Variants in BDKRB2 observed in about 807,000 individuals in gnomAD.
BDKRB2 encodes B2 bradykinin receptor.
BDKRB2 carries 6 observed loss-of-function variants against 4.0 expected under a neutral mutation model. The ratio of observed to expected loss-of-function variants is 1.49; its 90% CI spans 0.81 to 2.93. BDKRB2 has a LOEUF of 2.93. Among genes scored for constraint, BDKRB2 ranks in the 30% most tolerant of loss-of-function variants. BDKRB2 has a pLI of 0.00. For synonymous variants in BDKRB2, 225 were observed against 215.3 expected (o/e 1.05, Z -0.40); for missense variants, 478 against 520.1 (o/e 0.92, Z 0.79).
intron 2 of BDKRB2, chr14:96,239,060 G>C (rs181912112): frequency 1.0e-6 from 1 of 985,486 alleles, no homozygotes; most frequent in East Asian, 1.1e-4. Context: ...TCCCAGAGGT[G>C]ATGATCAGTA....
At position 96,241,450 on chromosome 14, in the gene BDKRB2, C is replaced by A; in HGVS notation, c.1122C>A (p.Ile374=). The A allele has an allele frequency of 6.3e-7, 1 of 1,583,388 alleles. No homozygotes were observed. The highest frequency in any genetic ancestry group is 1.1e-5 in the South Asian group (1 of 87,040). ...ENSMGTLRTS[I]SVERQIHKLQ... is the part of the protein sequence containing the mutation. ...CCATGGGCACACTGCGGACCTCCAT[C>A]TCCGTGGAACGCCAGATTCACAAAC... The change falls in exon 3 of 3, where the codon ATC becomes ATA. Residue 374 remains isoleucine (I), a synonymous_variant. Coordinates refer to ENST00000554311, the MANE Select transcript of BDKRB2 (RefSeq NM_001379692.1).
chr14:96,210,407 G>A (rs1351990095), intron 1 of BDKRB2, among the ~76,000 whole-genome samples: 1 of 152,174 alleles, frequency 6.6e-6, no homozygotes, highest in African/African-American at 2.4e-5. Flanking sequence ...AGGAGGTTAG[G>A]CAGAAGGAGG....
intron 1 of BDKRB2, among the ~76,000 whole-genome samples, chr14:96,208,804 G>A (rs772182379): frequency 1.4e-4 from 21 of 152,208 alleles, no homozygotes; most frequent in Admixed American, 3.3e-4. Context: ...GATTTACTCC[G>A]GCCTGTCCCA....
intron 1 of BDKRB2, among the ~76,000 whole-genome samples, chr14:96,206,782 A>G (rs1326803960): frequency 6.6e-6 from 1 of 151,974 alleles, no homozygotes; most frequent in East Asian, 1.9e-4. Context: ...AGATTTGCCC[A>G]GTGTCATAGC....
intron 1 of BDKRB2, among the ~76,000 whole-genome samples, chr14:96,213,002 T>C (rs1233160439): frequency 6.6e-6 from 1 of 152,202 alleles, no homozygotes; most frequent in Non-Finnish European, 1.5e-5. Flanking sequence ...AGTATTTTTT[T>C]AATAGTCAAT....
At chr14:96,207,011 C>A (rs1056463197) in intron 1 of BDKRB2, among the ~76,000 whole-genome samples, 5 of 152,082 alleles carry the variant, frequency 3.3e-5, no homozygotes, top group Admixed American at 6.5e-5. Flanking sequence ...GACCACCAAT[C>A]CCATTCACAA....
At chr14:96,218,329 G>C (rs185692455) in intron 1 of BDKRB2, among the ~76,000 whole-genome samples, 19 of 152,222 alleles carry the variant, frequency 1.2e-4, no homozygotes, top group Non-Finnish European at 1.5e-5. Context: ...GGTCCTTGAT[G>C]GTTTACAAAG....
chr14:96,236,787 T>A (rs1239722055), intron 1 of BDKRB2, among the ~76,000 whole-genome samples: 1 of 152,212 alleles, frequency 6.6e-6, no homozygotes, highest in African/African-American at 2.4e-5. Context: ...CACAGGCGCG[T>A]TTGGGACCCC....
chr14:96,241,710 C>A lies in BDKRB2; in HGVS notation c.*206C>A. Reference sequence around the variant, plus strand: ...GAGGATGGGGTGAACTCACGCACAGCCAAGGACTCCAAAATCACAACAGCA... The same window carrying A: ...GAGGATGGGGTGAACTCACGCACAGACAAGGACTCCAAAATCACAACAGCA... On this transcript the variant is annotated 3_prime_UTR_variant, in exon 3 of 3. Transcript: ENST00000554311. The A allele has an allele frequency of 1.4e-6, 1 of 720,038 alleles. No individual in the cohort carries two copies. The highest frequency in any genetic ancestry group is 2.0e-6 in the Non-Finnish European group (1 of 492,118). 44.6% of individuals were successfully genotyped at this position (720,038 alleles called of 1,614,324 possible). A position where few individuals can be genotyped will look rare whatever the true frequency, so the allele number is the denominator to read the frequency against.
At chr14:96,205,980 G>A (rs1272647337) in intron 1 of BDKRB2, among the ~76,000 whole-genome samples, 6 of 152,180 alleles carry the variant, frequency 3.9e-5, no homozygotes, top group Admixed American at 3.3e-4. Flanking sequence ...CTGGGTGTGG[G>A]GTGATGGGGG....
rs534953265 is a variant in BDKRB2, at chr14:96,218,082, G to A, written c.-40+13123G>A. ...GGACAATCGTGAGGCTCAGGGAAAG[G>A]ACTGTCGTGCAAACCCACCATGGCA... is the stretch of plus-strand genomic sequence containing the variant. On this transcript the variant is annotated intron_variant, in intron 1 of 2. Coordinates refer to ENST00000554311, the MANE Select transcript of BDKRB2 (RefSeq NM_001379692.1). 3.9e-5 allele frequency among the ~76,000 whole-genome samples: 6 copies of A among 152,180 alleles called. No homozygotes were observed. The East Asian group carries it at 7.7e-4, about 20-fold the overall frequency.
chr14:96,239,698 G>A (rs1044347649), intron 2 of BDKRB2: 4 of 931,910 alleles, frequency 4.3e-6, no homozygotes, highest in Admixed American at 1.2e-4. Context: ...TTTTACAGGT[G>A]AGGTCATTGT....
chr14:96,219,925 G>A (rs1017039479), intron 1 of BDKRB2, among the ~76,000 whole-genome samples: 4 of 152,004 alleles, frequency 2.6e-5, no homozygotes, highest in Non-Finnish European at 5.9e-5. Context: ...GAGCAGGAGA[G>A]GGAGGTGGTC....
In BDKRB2 at chr14:96,241,323, A is replaced by G. The variant is rs1425275963; in HGVS notation, c.995A>G (p.Tyr332Cys). ...AACAGCTGCCTCAACCCACTGGTGTACGTGATCGTGGGCAAGCGCTTCCGA... is the reference window on the plus strand; with the variant it reads ...AACAGCTGCCTCAACCCACTGGTGTGCGTGATCGTGGGCAAGCGCTTCCGA... ...YSNSCLNPLV[Y>C]VIVGKRFRKK... Residue 332 changes from tyrosine (Y) to cysteine (C), a missense_variant, in exon 3 of 3, where the codon TAC becomes TGC. Coordinates refer to ENST00000554311, the MANE Select transcript of BDKRB2 (RefSeq NM_001379692.1). The G allele has an allele frequency of 6.2e-7, 1 of 1,614,014 alleles. No homozygotes were observed. The highest frequency in any genetic ancestry group is 1.1e-5 in the South Asian group (1 of 91,040).
rs964182596 is a variant in BDKRB2, at chr14:96,238,820, C to T, written c.75-1583C>T. ...TCCAAGTCTGTGTCCCACAACCCCC[C>T]TGCTCCCTCCAGGGCACCCTCCACC... On this transcript the variant is annotated intron_variant, in intron 2 of 2. Coordinates refer to ENST00000554311, the MANE Select transcript of BDKRB2 (RefSeq NM_001379692.1). 3.0e-6 allele frequency: 3 copies of T among 986,038 alleles called. No individual in the cohort carries two copies. In the African/African-American group the frequency reaches 5.2e-5, roughly 17 times the overall value. 61.1% of individuals were successfully genotyped at this position (986,038 alleles called of 1,614,324 possible).
intron 1 of BDKRB2, chr14:96,233,426 C>G (rs1890865091): frequency 6.6e-6 from 1 of 152,318 alleles, no homozygotes; most frequent in Non-Finnish European, 1.5e-5. Context: ...ACTGGAGAAA[C>G]AGCAAGGCCT....
chr14:96,241,209 C>T lies in BDKRB2; in HGVS notation c.881C>T (p.Thr294Met), dbSNP rs201732624. The T allele has an allele frequency of 8.3e-5, 134 of 1,608,224 alleles. No individual in the cohort carries two copies. The highest frequency in any genetic ancestry group is 1.1e-4 in the Non-Finnish European group (125 of 1,176,282). ...LPFQISTFLDTLHRLGILSSC... is the reference protein window; with the variant it reads ...LPFQISTFLDMLHRLGILSSC... ...TTCCAGATCAGCACCTTCCTGGATA[C>T]GCTGCATCGCCTCGGCATCCTCTCC... Residue 294 changes from threonine (T) to methionine (M), a missense_variant, in exon 3 of 3, where the codon ACG becomes ATG. Coordinates refer to ENST00000554311, the MANE Select transcript of BDKRB2 (RefSeq NM_001379692.1).
chr14:96,241,673 G>C lies in BDKRB2; in HGVS notation c.*169G>C, dbSNP rs1236708592. The C allele has an allele frequency of 5.9e-6, 7 of 1,180,568 alleles. No homozygotes were observed. The Admixed American group carries it at 2.4e-4, about 40-fold the overall frequency. The allele number at this position is 1,180,568 out of a possible 1,614,324, so 73.1% of individuals were successfully genotyped here. A position where few individuals can be genotyped will look rare whatever the true frequency, so the allele number is the denominator to read the frequency against. ...TTCCTGCCCTGCCCAATTTTGCAGGGAGCATGGCTGTGAGGATGGGGTGAA... is the reference window on the plus strand; with the variant it reads ...TTCCTGCCCTGCCCAATTTTGCAGGCAGCATGGCTGTGAGGATGGGGTGAA... On this transcript the variant is annotated 3_prime_UTR_variant, in exon 3 of 3. Coordinates refer to ENST00000554311, the MANE Select transcript of BDKRB2 (RefSeq NM_001379692.1).
intron 1 of BDKRB2, chr14:96,211,109 A>C (rs763505273): frequency 2.6e-5 from 4 of 152,224 alleles, no homozygotes; most frequent in Non-Finnish European, 5.9e-5. Flanking sequence ...TTCAAGGTAG[A>C]TTTGGGCCCA....
Sources: allele counts gnomAD v4.1 joint callset (sites outside exome capture counted in the v4.1 genomes callset), GRCh38; gene constraint gnomAD v4.1.1; transcripts MANE v1.5; gene names NCBI Gene and HGNC (gene_info 2026-07-23, HGNC 2026-07-21).